Variants in RBM17 observed in about 807,000 individuals in gnomAD.
The protein encoded by RBM17 is RNA binding motif protein 17, also known as splicing factor 45.
RBM17 carries 7 observed loss-of-function variants against 53.2 expected under a neutral mutation model. The ratio of observed to expected loss-of-function variants is 0.13; its 90% CI spans 0.07 to 0.25. The LOEUF is 0.25. RBM17 is among the 10% of genes least tolerant of loss of function. The pLI is 1.00. For missense variants in RBM17, 257 were observed against 496.7 expected (o/e 0.52, Z 4.59); for synonymous variants, 167 against 178.1 (o/e 0.94, Z 0.50).
rs368603849 is a variant in RBM17 at position 6,091,637 on chromosome 10, C to T, written c.-19+2444C>T. On this transcript the variant is annotated intron_variant, in intron 1 of 11. Transcript: ENST00000379888. Reference sequence around the variant, plus strand: ...AATGTGATTTAAATAGGTGCACTAACATTTTTCATCCATTCACTAACACAT... The same window carrying T: ...AATGTGATTTAAATAGGTGCACTAATATTTTTCATCCATTCACTAACACAT... Among the ~76,000 whole-genome samples, 166 of 152,278 alleles carry T rather than the reference C, an allele frequency of 1.1e-3. 4 individuals are homozygous for T. In the South Asian group the frequency reaches 0.032, roughly 29 times the overall value.
chr10:6,113,720 G>T, intron 9 of RBM17, 139 bp downstream of exon 9: 1 of 650,736 alleles, frequency 1.5e-6, no homozygotes, highest in East Asian at 2.6e-5. Flanking sequence ...ACGTAAGGCT[G>T]ATTTTAGATT....
intron 5 of RBM17, among the ~76,000 whole-genome samples, chr10:6,107,552 G>GC (rs1412295168): frequency 7.6e-6 from 1 of 131,582 alleles, no homozygotes; most frequent in Non-Finnish European, 1.5e-5. Context: ...CGCCATCTCG[G>GC]CTCACTGCAA....
chr10:6,107,603 T>C (rs1223625178), intron 5 of RBM17, among the ~76,000 whole-genome samples: 1 of 147,498 alleles, frequency 6.8e-6, no homozygotes, highest in Non-Finnish European at 1.5e-5. Context: ...TGCCTCAGCC[T>C]CCCAAGTAGC....
chr10:6,091,581 A>G (rs1053220078), intron 1 of RBM17, among the ~76,000 whole-genome samples: 2 of 152,232 alleles, frequency 1.3e-5, no homozygotes, highest in African/African-American at 4.8e-5. Flanking sequence ...GTGCTTAAAA[A>G]GCAGATCTGC....
At chr10:6,109,250 G>A (rs1237164532) in intron 6 of RBM17, among the ~76,000 whole-genome samples, 2 of 152,156 alleles carry the variant, frequency 1.3e-5, no homozygotes, top group Non-Finnish European at 2.9e-5. Context: ...TGGGGGTTGG[G>A]ACTGGACTTC....
At chr10:6,090,480 T>C (rs11256667) in intron 1 of RBM17, among the ~76,000 whole-genome samples, 1 of 152,114 alleles carries the variant, frequency 6.6e-6, no homozygotes, top group Non-Finnish European at 1.5e-5. Context: ...CAGAGCAGGT[T>C]GTGCGGTTGT....
chr10:6,113,905 T>C (rs1840874768), intron 9 of RBM17, 144 bp from the exon 10 acceptor site: 2 of 622,210 alleles, frequency 3.2e-6, no homozygotes, highest in African/African-American at 3.7e-5. Flanking sequence ...AAATACTAAC[T>C]TTTGGGTACT....
Position 6,098,557 on chromosome 10 carries a change from TTTTTTG to T in RBM17, c.123+1375_123+1380del, listed in dbSNP as rs1564566202. Among the ~76,000 whole-genome samples the T allele has an allele frequency of 5.0e-4, 17 of 34,160 alleles. 1 individual carries two copies. Among genetic ancestry groups the T allele is most frequent in the Non-Finnish European group, 8.7e-4 (10 of 11,436 alleles). The allele number at this position is 34,160 out of a possible 152,430, so 22.4% of individuals were successfully genotyped here. A position where few individuals can be genotyped will look rare whatever the true frequency, so the allele number is the denominator to read the frequency against. On this transcript the variant is annotated intron_variant, in intron 2 of 11. Coordinates refer to ENST00000379888, the MANE Select transcript of RBM17 (RefSeq NM_032905.5). ...TTTGAAAATTTCCGTAATACACAGG[TTTTTTG>T]TTTTTTTTTTTTTTTTTTTTTTTTT...
At chr10:6,095,305 C>T (rs192125473) in intron 1 of RBM17, among the ~76,000 whole-genome samples, 137 of 152,152 alleles carry the variant, frequency 9.0e-4, no homozygotes, top group Admixed American at 2.0e-3. Context: ...ATCCATCTCC[C>T]GGGTTCAGGC....
intron 2 of RBM17, among the ~76,000 whole-genome samples, chr10:6,100,230 T>A (rs1406529377): frequency 6.6e-6 from 1 of 152,208 alleles, no homozygotes; most frequent in African/African-American, 2.4e-5. Context: ...TAATGAAAAT[T>A]TGTAACACTT....
chr10:6,109,686 C>T (rs887825585), intron 6 of RBM17, among the ~76,000 whole-genome samples: 4 of 152,046 alleles, frequency 2.6e-5, no homozygotes, highest in South Asian at 2.1e-4. Context: ...AACATCTTTC[C>T]GGCAAGAATA....
At chr10:6,111,217 G>C (rs941405155) in intron 7 of RBM17, among the ~76,000 whole-genome samples, 2 of 152,348 alleles carry the variant, frequency 1.3e-5, no homozygotes, top group South Asian at 4.1e-4. Flanking sequence ...TCATGGGGTT[G>C]GGGTGCCCTT....
chr10:6,113,884 A>C (rs2274358), intron 9 of RBM17, 165 bp from the exon 10 acceptor site: 2 of 602,588 alleles, frequency 3.3e-6, no homozygotes, highest in Non-Finnish European at 5.9e-6. Flanking sequence ...TATATGTTTT[A>C]GTGTTTTAAG....
chr10:6,100,461 C>T (rs546738026), intron 2 of RBM17, among the ~76,000 whole-genome samples: 1 of 152,214 alleles, frequency 6.6e-6, no homozygotes, highest in South Asian at 2.1e-4. Flanking sequence ...TCAGGAATTA[C>T]AAGGCATAGA....
chr10:6,099,927 G>T (rs370267023), intron 2 of RBM17, among the ~76,000 whole-genome samples: 2 of 151,976 alleles, frequency 1.3e-5, no homozygotes, highest in Non-Finnish European at 2.9e-5. Context: ...GTGTGGTGGC[G>T]TGCATCTGTA....
intron 1 of RBM17, 77 bp from the exon 2 acceptor site, chr10:6,096,971 T>A: frequency 7.0e-7 from 1 of 1,425,324 alleles, no homozygotes. Context: ...CCTCTAAAAT[T>A]TCATGATACT....
intron 1 of RBM17, among the ~76,000 whole-genome samples, chr10:6,091,041 T>TATATATTTATA (rs1564564096): frequency 7.2e-6 from 1 of 139,418 alleles, no homozygotes; most frequent in African/African-American, 2.6e-5. Flanking sequence ...TTATATATTT[T>TATATATTTATA]TATATATATA....
At chr10:6,099,330 A>G (rs1840635257) in intron 2 of RBM17, among the ~76,000 whole-genome samples, 1 of 151,180 alleles carries the variant, frequency 6.6e-6, no homozygotes, top group South Asian at 2.1e-4. Context: ...CTGTTTAGTT[A>G]CTCAGAATAC....
intron 3 of RBM17, among the ~76,000 whole-genome samples, chr10:6,103,539 T>C (rs1840700734): frequency 6.6e-6 from 1 of 152,214 alleles, no homozygotes; most frequent in African/African-American, 2.4e-5. Flanking sequence ...AAAAGAAATC[T>C]TCATGTGCTT....
Sources: allele counts gnomAD v4.1 joint callset (sites outside exome capture counted in the v4.1 genomes callset), GRCh38; gene constraint gnomAD v4.1.1; transcripts MANE v1.5; gene names NCBI Gene and HGNC (gene_info 2026-07-23, HGNC 2026-07-21).